CDC16: variants seen among roughly 807,000 people sequenced by gnomAD.
CDC16 encodes cell division cycle protein 16 homolog.
Under a neutral mutation model 87.0 loss-of-function variants are expected in CDC16, and 34 were observed. The ratio of observed to expected loss-of-function variants is 0.39; its 90% confidence interval spans 0.30 to 0.52. The LOEUF is 0.52. Ranked by LOEUF, CDC16 falls within the 20% of genes least tolerant of loss-of-function variation. CDC16 has a pLI of 0.74. For missense variants in CDC16, 653 were observed against 751.9 expected (o/e 0.87, Z 1.54); for synonymous variants, 263 against 260.6 (o/e 1.01, Z -0.09).
At chr13:114,237,985 TC>T (rs2081338874) in intron 3 of CDC16, among the ~76,000 whole-genome samples, 1 of 152,218 alleles carries the variant, frequency 6.6e-6, no homozygotes, top group Non-Finnish European at 1.5e-5. Flanking sequence ...CTCCTTGTTT[TC>T]TCTCCACTCT....
intron 9 of CDC16, 70 bp downstream of exon 9, chr13:114,245,039 GTC>G (rs1426568842): frequency 2.1e-6 from 2 of 930,430 alleles, no homozygotes; most frequent in East Asian, 5.2e-5. Flanking sequence ...TTGAAATTTT[GTC>G]TCTGAAATTC....
rs1412014326 is a variant in CDC16, at chr13:114,243,467, AAG to A, written c.633+121_633+122del. The A allele has an allele frequency of 1.1e-4, 68 of 608,392 alleles. No individual in the cohort carries two copies. The African/African-American group carries it at 1.1e-3, about 10-fold the overall frequency. 37.7% of individuals were successfully genotyped at this position (608,392 alleles called of 1,614,324 possible). A position where few individuals can be genotyped will look rare whatever the true frequency, so the allele number is the denominator to read the frequency against. On this transcript the variant is annotated intron_variant, in intron 7 of 17. Coordinates refer to ENST00000356221, the MANE Select transcript of CDC16 (RefSeq NM_001078645.3). Reference sequence around the variant, plus strand: ...AACTTTTTAAATTTAGCACATTTTTAAGAATAGAGCGTTTAAGATACATAAGA... The same window carrying A: ...AACTTTTTAAATTTAGCACATTTTTAAATAGAGCGTTTAAGATACATAAGA...
intron 17 of CDC16, among the ~76,000 whole-genome samples, chr13:114,266,219 G>T (rs1173258312): frequency 6.6e-6 from 1 of 152,186 alleles, no homozygotes; most frequent in Non-Finnish European, 1.5e-5. Flanking sequence ...GGATCTGTCT[G>T]CTTATGTGTC....
rs770127731 is a variant in CDC16, at chr13:114,242,169, G to T, written c.430G>T (p.Asp144Tyr). Residue 144 changes from aspartate (D) to tyrosine (Y), a missense_variant, in exon 6 of 18, where the codon GAT becomes TAT. Coordinates refer to ENST00000356221, the MANE Select transcript of CDC16 (RefSeq NM_001078645.3). The stretch of plus-strand genomic sequence containing the variant: ...ACGCGGGAAAATCTATGATGCTCTA[G>T]ATAACCGAACCCTGGCTACCTACAG... ...LLRGKIYDAL[D>Y]NRTLATYSYK... 1.2e-6 allele frequency: 2 copies of T among 1,613,698 alleles called. No homozygotes were observed. The highest frequency in any genetic ancestry group is 1.3e-5 in the African/African-American group (1 of 74,886).
rs137866013 is a variant in CDC16 at position 114,254,266 on chromosome 13, G to A, written c.1098-2812G>A. The stretch of plus-strand genomic sequence containing the variant: ...TAACAAGATAGGATTTATGTCTGGC[G>A]TTTTGTTCTTTATTGTCTATACATC... On this transcript the variant is annotated intron_variant, in intron 12 of 17. Coordinates refer to ENST00000356221, the MANE Select transcript of CDC16 (RefSeq NM_001078645.3). Among the ~76,000 whole-genome samples the A allele has an allele frequency of 9.8e-3, 1,487 of 151,924 alleles. 22 individuals carry two copies. The highest frequency in any genetic ancestry group is 0.034 in the African/African-American group (1,412 of 41,436).
rs138534655 is a variant in CDC16 at position 114,267,788 on chromosome 13, TG to T, written c.1603+2550del. 5.0e-4 allele frequency among the ~76,000 whole-genome samples: 76 copies of T among 152,246 alleles called. 1 individual carries two copies. The East Asian group carries it at 0.014, about 29-fold the overall frequency. On this transcript the variant is annotated intron_variant, in intron 17 of 17. Transcript: ENST00000356221. ...TTGGGAGTCCTCCTCCCATGAAACA[TG>T]GCTGGATTTTTCTCCTTGTCCTGTG...
At chr13:114,270,473 A>C (rs1459962656) in intron 17 of CDC16, among the ~76,000 whole-genome samples, 1 of 152,192 alleles carries the variant, frequency 6.6e-6, no homozygotes, top group Non-Finnish European at 1.5e-5. Context: ...GATCCAAACC[A>C]TGTCAATTAG....
At chr13:114,254,002 T>C (rs1331847523) in intron 12 of CDC16, among the ~76,000 whole-genome samples, 25 of 152,234 alleles carry the variant, frequency 1.6e-4, no homozygotes, top group Admixed American at 1.6e-3. Context: ...TGTTTATAAT[T>C]GTTGTATTTT....
At chr13:114,251,265 A>G (rs1318435298) in intron 12 of CDC16, among the ~76,000 whole-genome samples, 1 of 152,114 alleles carries the variant, frequency 6.6e-6, no homozygotes. Context: ...CCTGGTCTGG[A>G]GTCATACCTC....
intron 16 of CDC16, among the ~76,000 whole-genome samples, chr13:114,263,356 A>T (rs2082968784): frequency 6.6e-6 from 1 of 152,236 alleles, no homozygotes; most frequent in Non-Finnish European, 1.5e-5. Context: ...AGATCACATT[A>T]GTAGATGAAC....
intron 17 of CDC16, among the ~76,000 whole-genome samples, chr13:114,266,356 C>T (rs942731734): frequency 2.6e-5 from 4 of 151,988 alleles, no homozygotes; most frequent in African/African-American, 4.8e-5. Context: ...TCCAGAGTGG[C>T]GAGAAGACAG....
chr13:114,259,094 TAAAAAAAAAA>T lies in CDC16; in HGVS notation c.1251-230_1251-221del, dbSNP rs5807005. On this transcript the variant is annotated intron_variant, in intron 13 of 17. Coordinates refer to ENST00000356221, the MANE Select transcript of CDC16 (RefSeq NM_001078645.3). ...AGCCTAGGTAACAGAGTGAGACTCTTAAAAAAAAAAAAAAAAAAAAGGAATATAAATACTG... is the reference window on the plus strand; with the variant it reads ...AGCCTAGGTAACAGAGTGAGACTCTTAAAAAAAAAAGGAATATAAATACTG... Among the ~76,000 whole-genome samples, 10 of 111,450 alleles carry T rather than the reference TAAAAAAAAAA, an allele frequency of 9.0e-5. No homozygotes were observed. The South Asian group carries it at 2.3e-3, about 25-fold the overall frequency. 73.1% of individuals were successfully genotyped at this position (111,450 alleles called of 152,430 possible).
At chr13:114,240,635 G>A (rs764453007) in intron 5 of CDC16, among the ~76,000 whole-genome samples, 2 of 152,214 alleles carry the variant, frequency 1.3e-5, no homozygotes, top group Non-Finnish European at 2.9e-5. Context: ...TGGGATTACA[G>A]TCATGAGCCA....
At chr13:114,253,432 T>TA (rs1243665061) in intron 12 of CDC16, among the ~76,000 whole-genome samples, 1 of 152,188 alleles carries the variant, frequency 6.6e-6, no homozygotes, top group Non-Finnish European at 1.5e-5. Context: ...CTCACACCTG[T>TA]AATCCCAGCA....
chr13:114,253,954 C>T (rs1189260723), intron 12 of CDC16, among the ~76,000 whole-genome samples: 1 of 152,022 alleles, frequency 6.6e-6, no homozygotes, highest in Non-Finnish European at 1.5e-5. Flanking sequence ...GCACATTTCA[C>T]TTCATATATT....
Position 114,236,846 on chromosome 13 carries a change from G to A in CDC16, c.151G>A (p.Ala51Thr), listed in dbSNP as rs1344352740. Residue 51 changes from alanine to threonine, a missense_variant, in exon 3 of 18, where the codon GCA (alanine) becomes ACA (threonine). Transcript: ENST00000356221. The stretch of plus-strand genomic sequence containing the variant: ...GTTGGCTCAGTGTCTTTACCTGACA[G>A]CACAATATCACAGAGCCGCCCATGC... ...YWLAQCLYLTAQYHRAAHALR... is the reference protein window; with the variant it reads ...YWLAQCLYLTTQYHRAAHALR... The A allele has an allele frequency of 1.9e-6, 3 of 1,610,282 alleles. No homozygotes were observed. The highest frequency in any genetic ancestry group is 2.2e-5 in the East Asian group (1 of 44,780).
intron 10 of CDC16, 109 bp from the exon 11 acceptor site, chr13:114,246,822 A>T (rs1045774379): frequency 2.7e-6 from 2 of 732,912 alleles, no homozygotes; most frequent in African/African-American, 3.5e-5. Context: ...TAACTAGAAT[A>T]TGTGATAAGG....
intron 16 of CDC16, 121 bp from the exon 17 acceptor site, chr13:114,265,029 T>G (rs2083110157): frequency 4.1e-6 from 3 of 727,410 alleles, no homozygotes; most frequent in Non-Finnish European, 7.5e-6. Flanking sequence ...TGGCCAGTCA[T>G]GTAGCTATGT....
chr13:114,267,804 C>A (rs1188362644), intron 17 of CDC16, among the ~76,000 whole-genome samples: 4 of 146,266 alleles, frequency 2.7e-5, no homozygotes, highest in Non-Finnish European at 5.9e-5. Flanking sequence ...GATTTTTCTC[C>A]TTGTCCTGTG....
Sources: allele counts gnomAD v4.1 joint callset (sites outside exome capture counted in the v4.1 genomes callset), GRCh38; gene constraint gnomAD v4.1.1; transcripts MANE v1.5; gene names NCBI Gene and HGNC (gene_info 2026-07-23, HGNC 2026-07-21).